The following MGA variants were observed in gnomAD, a reference collection of about 807,000 sequenced individuals.
The protein encoded by MGA is MAX gene-associated protein.
A neutral mutation model predicts 261.1 loss-of-function variants in MGA; 40 were observed. The ratio of observed to expected loss-of-function variants is 0.15; its 90% CI spans 0.12 to 0.20. The LOEUF (loss-of-function observed/expected upper bound fraction) is 0.20, where lower values mean the gene tolerates loss of function less well. Ranked by LOEUF, MGA falls within the 10% of genes least tolerant of loss-of-function variation. The pLI is 1.00. For missense variants in MGA, 3,397 were observed against 3,630.5 expected (o/e 0.94, Z 1.65); for synonymous variants, 1,302 against 1,290.6 (o/e 1.01, Z -0.19).
chr15:41,669,557 T>C lies in MGA; in HGVS notation c.663T>C (p.Pro221=). Residue 221 remains proline (P), a synonymous_variant, in exon 2 of 24, where the codon CCT becomes CCC. Transcript: ENST00000219905. ...TGGAGGTGATACAATTAAATGGCCC[T>C]GGTGTCCACACTTTTACCTTCCCAC... 1 of 1,614,046 alleles carries C rather than the reference T, an allele frequency of 6.2e-7. No homozygotes were observed. Among genetic ancestry groups the C allele is most frequent in the Non-Finnish European group, 8.5e-7 (1 of 1,179,888 alleles).
At position 41,764,956 on chromosome 15, in the gene MGA, C is replaced by T. The variant is rs199632368; in HGVS notation, c.7815C>T (p.Leu2605=). The T allele has an allele frequency of 9.2e-4, 1,484 of 1,613,946 alleles. No homozygotes were observed. The highest frequency in any genetic ancestry group is 1.2e-3 in the Non-Finnish European group (1,380 of 1,179,900). The stretch of plus-strand genomic sequence containing the variant: ...TGATGACTCCGCAAGGGCAATTGCT[C>T]ACCCTAAAAGGTCCCCTATTCTCAG... The change falls in exon 23 of 24, where the codon CTC becomes CTT. Residue 2605 remains leucine (L), a synonymous_variant. Transcript: ENST00000219905.
At chr15:41,698,783 A>T in intron 3 of MGA, 80 bp from the exon 4 acceptor site, 1 of 1,113,624 alleles carries the variant, frequency 9.0e-7, no homozygotes, top group South Asian at 1.6e-5. Flanking sequence ...TCTGGTCTTT[A>T]AGTTTTTTTT....
Position 41,668,923 on chromosome 15 carries a change from C to T in MGA, c.29C>T (p.Ala10Val). The T allele has an allele frequency of 6.3e-7, 1 of 1,587,090 alleles. No homozygotes were observed. The highest frequency in any genetic ancestry group is 8.6e-7 in the Non-Finnish European group (1 of 1,161,696). ...GAGGAGAAACAGCAGATTATATTGG[C>T]TAATCAAGATGGTGGAACAGTGGCA... The change falls in exon 2 of 24, where the codon GCT (alanine) becomes GTT (valine). Residue 10 changes from alanine (A) to valine (V), a missense_variant. Ala to Val is a moderately conservative substitution (Grantham distance 64). This residue lies in a region of MGA where 81 missense variants were observed against 84.3 expected (regional missense o/e 0.96). Coordinates refer to ENST00000219905, the MANE Select transcript of MGA (RefSeq NM_001164273.2).
At chr15:41,652,843 C>T (rs953528917) in intron 1 of MGA, among the ~76,000 whole-genome samples, 1 of 152,044 alleles carries the variant, frequency 6.6e-6, no homozygotes, top group Non-Finnish European at 1.5e-5. Context: ...GGGCTTAGCA[C>T]ATAGTTGATG....
At chr15:41,682,939 A>C (rs1374600369) in intron 2 of MGA, among the ~76,000 whole-genome samples, 1 of 152,200 alleles carries the variant, frequency 6.6e-6, no homozygotes, top group Admixed American at 6.5e-5. Flanking sequence ...CGATGAAAAG[A>C]GTTCCCAGCC....
chr15:41,705,644 G>A (rs1320359795), intron 5 of MGA, among the ~76,000 whole-genome samples: 1 of 152,202 alleles, frequency 6.6e-6, no homozygotes, highest in Non-Finnish European at 1.5e-5. Context: ...TTACAGGTGT[G>A]AGCTGAAATG....
chr15:41,715,537 T>C (rs1056503453), intron 9 of MGA, among the ~76,000 whole-genome samples: 3 of 152,206 alleles, frequency 2.0e-5, no homozygotes, highest in African/African-American at 7.2e-5. Context: ...TTAATATAGC[T>C]GAATTTATTT....
intron 17 of MGA, 83 bp downstream of exon 17, chr15:41,750,698 T>A: frequency 7.9e-7 from 1 of 1,264,896 alleles, no homozygotes; most frequent in Non-Finnish European, 1.1e-6. Context: ...AGAAGAGCAC[T>A]AAGGCATAAT....
intron 15 of MGA, among the ~76,000 whole-genome samples, chr15:41,744,033 A>C (rs1052210392): frequency 1.3e-5 from 2 of 152,146 alleles, no homozygotes; most frequent in African/African-American, 4.8e-5. Flanking sequence ...ATTAACTAAT[A>C]GCAATTCTGT....
At chr15:41,688,459 T>G (rs569905386) in intron 2 of MGA, among the ~76,000 whole-genome samples, 1 of 152,232 alleles carries the variant, frequency 6.6e-6, no homozygotes, top group African/African-American at 2.4e-5. Context: ...TTTATCTTTT[T>G]CCCTCCTTGT....
At chr15:41,673,623 A>G (rs1595660422) in intron 2 of MGA, among the ~76,000 whole-genome samples, 1 of 142,646 alleles carries the variant, frequency 7.0e-6, no homozygotes, top group Non-Finnish European at 1.5e-5. Flanking sequence ...GTTCAATGCA[A>G]CCTCTGCTTC....
chr15:41,637,632 G>A (rs1469997023), intron 1 of MGA, among the ~76,000 whole-genome samples: 1 of 152,132 alleles, frequency 6.6e-6, no homozygotes, highest in Non-Finnish European at 1.5e-5. Context: ...GGGGAATGTG[G>A]TGACAGGGTT....
chr15:41,688,461 C>T (rs535539605), intron 2 of MGA, among the ~76,000 whole-genome samples: 1 of 152,180 alleles, frequency 6.6e-6, no homozygotes, highest in South Asian at 2.1e-4. Context: ...TATCTTTTTC[C>T]CTCCTTGTAC....
chr15:41,656,344 T>TCTCTCTCCC, upstream of MGA, among the ~76,000 whole-genome samples: 1 of 60,036 alleles, frequency 1.7e-5, no homozygotes, highest in Middle Eastern at 9.4e-3. Context: ...CTCTCCTCTC[T>TCTCTCTCCC]TCTCTCTCTC....
chr15:41,713,661 CACAA>C (rs2060489874), intron 9 of MGA, among the ~76,000 whole-genome samples, 165 bp downstream of exon 9: 1 of 152,172 alleles, frequency 6.6e-6, no homozygotes, highest in East Asian at 1.9e-4. Context: ...CTGAGATGCA[CACAA>C]ACACACACCT....
rs950543692 is a variant in MGA at position 41,725,840 on chromosome 15, AAAAAAAAAAAAAAAAATAAATAAAT to A, written c.3431-1336_3431-1312del. ...ACAGAGCGAGACTCCGTCTCAAAAA[AAAAAAAAAAAAAAAAATAAATAAAT>A]AAATAAATAAATAAGTAAACCCAGG... On this transcript the variant is annotated intron_variant, in intron 9 of 23. Coordinates refer to ENST00000219905, the MANE Select transcript of MGA (RefSeq NM_001164273.2). Among the ~76,000 whole-genome samples, 2 of 6,740 alleles carry A rather than the reference AAAAAAAAAAAAAAAAATAAATAAAT, an allele frequency of 3.0e-4. 1 individual carries two copies. Among genetic ancestry groups the A allele is most frequent in the African/African-American group, 5.2e-4 (2 of 3,876 alleles). The allele number at this position is 6,740 out of a possible 152,430, so 4.4% of individuals were successfully genotyped here. A position where few individuals can be genotyped will look rare whatever the true frequency, so the allele number is the denominator to read the frequency against.
At chr15:41,691,401 A>G (rs1207576491) in intron 2 of MGA, among the ~76,000 whole-genome samples, 1 of 152,162 alleles carries the variant, frequency 6.6e-6, no homozygotes, top group Non-Finnish European at 1.5e-5. Context: ...GAATCTTGCT[A>G]AACTGATTTA....
intron 9 of MGA, among the ~76,000 whole-genome samples, chr15:41,724,782 C>CA (rs1204434813): frequency 6.6e-6 from 1 of 152,152 alleles, no homozygotes; most frequent in African/African-American, 2.4e-5. Flanking sequence ...CTAATTGACT[C>CA]AATCACTTTC....
At chr15:41,622,161 C>A (rs143646463) in intron 1 of MGA, among the ~76,000 whole-genome samples, 54 of 152,128 alleles carry the variant, frequency 3.5e-4, no homozygotes, top group Non-Finnish European at 7.5e-4. Context: ...TGGCAAGCGT[C>A]GGTGAGAAGC....
Sources: allele counts gnomAD v4.1 joint callset (sites outside exome capture counted in the v4.1 genomes callset), GRCh38; gene constraint gnomAD v4.1.1; regional missense constraint gnomAD v4.1.1; transcripts MANE v1.5; gene names NCBI Gene and HGNC (gene_info 2026-07-23, HGNC 2026-07-21).